ECPAS: variants seen among roughly 807,000 people sequenced by gnomAD.
The protein encoded by ECPAS is Ecm29 proteasome adaptor and scaffold.
ECPAS carries 70 observed loss-of-function variants against 255.1 expected under a neutral mutation model. The observed-to-expected ratio is 0.27, with a 90% confidence interval of 0.23 to 0.33. ECPAS has a LOEUF of 0.33. Among genes scored for constraint, ECPAS ranks in the 10% least tolerant of loss-of-function variants. The probability of loss-of-function intolerance (pLI) is 1.00; values close to 1 mark genes in which losing one functional copy is unlikely to be tolerated. For synonymous variants in ECPAS, 784 were observed against 775.0 expected (o/e 1.01, Z -0.19); for missense variants, 1,817 against 2,206.4 (o/e 0.82, Z 3.54).
chr9:111,393,702 A>C lies in ECPAS; in HGVS notation c.2955T>G (p.Val985=). The C allele has an allele frequency of 6.3e-7, 1 of 1,587,636 alleles. No individual in the cohort carries two copies. The part of the protein sequence containing the change: ...SHLKEIQSAF[V]SVLSENDELS... ...TACCATCATTTTCTGATAGAACTGA[A>C]ACAAATGCACTTTGAATTTCTTTAA... Residue 985 remains valine (V), a synonymous_variant, in exon 27 of 50, where the codon GTT becomes GTG. Coordinates refer to ENST00000684092, the MANE Select transcript of ECPAS (RefSeq NM_001364929.1).
In ECPAS at chr9:111,397,074, C is replaced by T; in HGVS notation, c.2732G>A (p.Arg911Gln). The T allele has an allele frequency of 1.9e-6, 3 of 1,613,948 alleles. No homozygotes were observed. The highest frequency in any genetic ancestry group is 2.5e-6 in the Non-Finnish European group (3 of 1,179,832). Reference sequence around the variant, plus strand: ...CTCTTCAGTCATTTGCCAGGCATCTCGGGCAGCCACAGAACTAGTTCCTAT... The same window carrying T: ...CTCTTCAGTCATTTGCCAGGCATCTTGGGCAGCCACAGAACTAGTTCCTAT... ...AAIGTSSVAA[R>Q]DAWQMTEEEY... The change falls in exon 25 of 50, where the codon CGA becomes CAA. Residue 911 changes from arginine to glutamine, a missense_variant. Coordinates refer to ENST00000684092, the MANE Select transcript of ECPAS (RefSeq NM_001364929.1).
At chr9:111,483,483 A>C (rs2098310042) in intron 1 of ECPAS, 1 of 972,872 alleles carries the variant, frequency 1.0e-6, no homozygotes, top group East Asian at 1.2e-4. Flanking sequence ...TCGCGGCCGC[A>C]GGTTCGGCCG....
intron 2 of ECPAS, among the ~76,000 whole-genome samples, chr9:111,452,223 A>AAGG (rs2098261219): frequency 3.9e-5 from 6 of 152,234 alleles, no homozygotes; most frequent in Non-Finnish European, 8.8e-5. Flanking sequence ...AATTACTGTT[A>AAGG]AAATTGTTTT....
chr9:111,445,561 C>G (rs2098251797), intron 3 of ECPAS, among the ~76,000 whole-genome samples: 1 of 152,088 alleles, frequency 6.6e-6, no homozygotes, highest in Admixed American at 6.5e-5. Flanking sequence ...GTATGGGGCA[C>G]ACTGCATCTG....
intron 29 of ECPAS, among the ~76,000 whole-genome samples, chr9:111,390,379 G>A (rs1237695919): frequency 6.6e-6 from 1 of 152,116 alleles, no homozygotes; most frequent in Middle Eastern, 3.2e-3. Flanking sequence ...ACCTGGAGAT[G>A]CAACTCAATA....
chr9:111,421,409 ATGTGTGTGTGTGTG>A lies in ECPAS; in HGVS notation c.1455+498_1455+511del, dbSNP rs71372622. Among the ~76,000 whole-genome samples the A allele has an allele frequency of 2.7e-3, 384 of 143,426 alleles. 2 individuals are homozygous for A. The highest frequency in any genetic ancestry group is 5.4e-3 in the African/African-American group (211 of 38,950). 94.1% of individuals were successfully genotyped at this position (143,426 alleles called of 152,430 possible). On this transcript the variant is annotated intron_variant, in intron 15 of 49. Transcript: ENST00000684092. Reference sequence around the variant, plus strand: ...CAAATATATATTACATATTACATATATGTGTGTGTGTGTGTGTGTGTGTGTGTGTGTGTGTGTGT... The same window carrying A: ...CAAATATATATTACATATTACATATATGTGTGTGTGTGTGTGTGTGTGTGT...
In ECPAS at chr9:111,389,612, C is replaced by A; in HGVS notation, c.3391G>T (p.Gly1131Cys). The A allele has an allele frequency of 6.2e-7, 1 of 1,613,832 alleles. No homozygotes were observed. Among genetic ancestry groups the A allele is most frequent in the African/African-American group, 1.3e-5 (1 of 75,020 alleles). The change falls in exon 31 of 50, where the codon GGC (glycine) becomes TGC (cysteine). Residue 1131 changes from glycine (G) to cysteine (C), a missense_variant. By Grantham distance (159) the Gly-to-Cys change is radical (BLOSUM62 -3). Around this residue, in one of 4 missense-constraint regions of ECPAS, gnomAD observed 960 missense variants for 1,179.0 expected, o/e 0.81. Coordinates refer to ENST00000684092, the MANE Select transcript of ECPAS (RefSeq NM_001364929.1). The stretch of plus-strand genomic sequence containing the variant: ...ATACTTGTCATGGCCTGTCGAATGC[C>A]AAGGTTGGGATCAAACTGGTAACGA... ...LYRYQFDPNL[G>C]IRQAMTSIWN...
chr9:111,465,997 C>T (rs1205480833), intron 2 of ECPAS, among the ~76,000 whole-genome samples: 3 of 151,626 alleles, frequency 2.0e-5, no homozygotes, highest in African/African-American at 7.3e-5. Context: ...CATGCCTCTG[C>T]ACTCCAGCCC....
intron 9 of ECPAS, 60 bp downstream of exon 9, chr9:111,430,487 G>A (rs376665326): frequency 5.3e-5 from 51 of 954,096 alleles, no homozygotes; most frequent in Middle Eastern, 2.7e-4. Flanking sequence ...GTATAAATAC[G>A]CAGTTCATGT....
rs755971228 is a variant in ECPAS at position 111,389,697 on chromosome 9, A to G, written c.3306T>C (p.Ile1102=). The G allele has an allele frequency of 1.2e-6, 2 of 1,612,886 alleles. No homozygotes were observed. The highest frequency in any genetic ancestry group is 2.7e-5 in the African/African-American group (2 of 74,838). ...CCAGCTGCTCTCCAGCTCTGGTAGC[A>G]ATTACATTAAAACCAAAAGCAGCAC... ...RKGAAFGFNV[I]ATRAGEQLAP... is the part of the protein sequence containing the mutation. The change falls in exon 31 of 50, where the codon ATT becomes ATC. Residue 1102 remains isoleucine (I), a synonymous_variant. Coordinates refer to ENST00000684092, the MANE Select transcript of ECPAS (RefSeq NM_001364929.1).
intron 1 of ECPAS, chr9:111,483,884 T>G: frequency 3.7e-6 from 2 of 537,674 alleles, no homozygotes; most frequent in Non-Finnish European, 4.7e-6. Context: ...CTCACGCCGG[T>G]TTTATATTTA....
rs1273333603 is a variant in ECPAS, at chr9:111,372,572, C to T, written c.4385G>A (p.Arg1462Gln). 1.1e-5 allele frequency: 17 copies of T among 1,613,398 alleles called. No individual in the cohort carries two copies. In the Admixed American group the frequency reaches 2.2e-4, roughly 21 times the overall value. Residue 1462 changes from arginine to glutamine, a missense_variant, in exon 42 of 50, where the codon CGA becomes CAA. Arg to Gln is a conservative substitution (Grantham distance 43). This residue lies in a region of ECPAS where 960 missense variants were observed against 1,179.0 expected (regional missense o/e 0.81). Coordinates refer to ENST00000684092, the MANE Select transcript of ECPAS (RefSeq NM_001364929.1). ...ATTCTTTAATACATCAGGGCTGTAT[C>T]GTCCAATAGCATGAATAGTCAAAGC... The part of the protein sequence containing the change: ...SCALTIHAIG[R>Q]YSPDVLKNHA...
At chr9:111,476,790 G>A (rs934261471) in intron 1 of ECPAS, among the ~76,000 whole-genome samples, 2 of 151,916 alleles carry the variant, frequency 1.3e-5, no homozygotes, top group African/African-American at 4.8e-5. Context: ...AGCCTCCTGA[G>A]TAGCTGGAAC....
At chr9:111,436,678 T>C (rs1007888510) in intron 7 of ECPAS, among the ~76,000 whole-genome samples, 1 of 152,142 alleles carries the variant, frequency 6.6e-6, no homozygotes, top group Admixed American at 6.5e-5. Flanking sequence ...GTTAAACATA[T>C]TCAATTTATA....
At chr9:111,477,394 G>T (rs1478221846) in intron 1 of ECPAS, among the ~76,000 whole-genome samples, 1 of 152,164 alleles carries the variant, frequency 6.6e-6, no homozygotes, top group African/African-American at 2.4e-5. Context: ...TTACAGGTGT[G>T]AGGCACCGCT....
intron 13 of ECPAS, 136 bp from the exon 14 acceptor site, chr9:111,422,336 A>C (rs1456155031): frequency 1.3e-6 from 1 of 775,072 alleles, no homozygotes; most frequent in African/African-American, 1.8e-5. Flanking sequence ...TGAGAGCCAA[A>C]AATTTTTCCA....
At chr9:111,374,150 A>AC (rs764692210) in intron 38 of ECPAS, 112 bp from the exon 39 acceptor site, 54 of 757,122 alleles carry the variant, frequency 7.1e-5, no homozygotes, top group African/African-American at 1.2e-4. Flanking sequence ...GAAGCCTAAT[A>AC]CCCCCTCCAG....
chr9:111,418,482 C>T lies in ECPAS; in HGVS notation c.1560-476G>A, dbSNP rs186166864. On this transcript the variant is annotated intron_variant, in intron 16 of 49. Coordinates refer to ENST00000684092, the MANE Select transcript of ECPAS (RefSeq NM_001364929.1). Reference sequence around the variant, plus strand: ...AATATAAACCCAACCAATTTCAGACCACCTAGAGACTGATCTCAGCAATAG... The same window carrying T: ...AATATAAACCCAACCAATTTCAGACTACCTAGAGACTGATCTCAGCAATAG... 4.8e-3 allele frequency among the ~76,000 whole-genome samples: 723 copies of T among 152,130 alleles called. 11 individuals carry two copies. Among genetic ancestry groups the T allele is most frequent in the South Asian group, 0.041 (198 of 4,814 alleles).
chr9:111,479,237 C>A (rs1242513025), intron 1 of ECPAS, among the ~76,000 whole-genome samples: 4 of 152,048 alleles, frequency 2.6e-5, no homozygotes. Flanking sequence ...TTGGTGTCAC[C>A]AATTTACTTT....
Sources: allele counts gnomAD v4.1 joint callset (sites outside exome capture counted in the v4.1 genomes callset), GRCh38; gene constraint gnomAD v4.1.1; regional missense constraint gnomAD v4.1.1; transcripts MANE v1.5; gene names NCBI Gene and HGNC (gene_info 2026-07-23, HGNC 2026-07-21).